The following CLIC5 variants were observed in gnomAD, a reference collection of about 807,000 sequenced individuals.
CLIC5 encodes the protein CLIC family member 5.
A neutral mutation model predicts 24.7 loss-of-function variants in CLIC5; 20 were observed. The observed-to-expected ratio is 0.81, with a 90% CI of 0.57 to 1.18. CLIC5 has a LOEUF of 1.18. Ranked by LOEUF, CLIC5 falls within the 50% of genes most tolerant of loss-of-function variation. The pLI is 0.00. For missense variants in CLIC5, 341 were observed against 326.1 expected, an observed-to-expected ratio of 1.05 and a Z score of -0.35; for synonymous variants, 159 against 135.6, an observed-to-expected ratio of 1.17 and a Z score of -1.20.
intron 5 of CLIC5, among the ~76,000 whole-genome samples, chr6:45,904,504 T>G (rs1333414316): frequency 6.6e-6 from 1 of 151,536 alleles, no homozygotes; most frequent in Non-Finnish European, 1.5e-5. Flanking sequence ...CTTAATAATT[T>G]TTAAACAGGG....
intron 3 of CLIC5, among the ~76,000 whole-genome samples, chr6:45,944,815 G>T (rs1764239412): frequency 6.6e-6 from 1 of 152,194 alleles, no homozygotes; most frequent in African/African-American, 2.4e-5. Context: ...GGTCCTGATG[G>T]AATGGCCTTG....
chr6:46,033,753 A>G (rs1409438501), intron 1 of CLIC5, among the ~76,000 whole-genome samples: 1 of 152,188 alleles, frequency 6.6e-6, no homozygotes, highest in Non-Finnish European at 1.5e-5. Context: ...TTATCTTTGT[A>G]TTTGGGAGAG....
intron 1 of CLIC5, among the ~76,000 whole-genome samples, chr6:46,008,078 T>A (rs1308255599): frequency 6.6e-6 from 1 of 152,126 alleles, no homozygotes; most frequent in Non-Finnish European, 1.5e-5. Context: ...CAGCTATCAA[T>A]CTTTCTAAAC....
intron 1 of CLIC5, among the ~76,000 whole-genome samples, chr6:46,003,531 C>T (rs765499515): frequency 1.3e-5 from 2 of 152,170 alleles, no homozygotes; most frequent in African/African-American, 2.4e-5. Context: ...TATAAAATGA[C>T]TGAGATGTTA....
chr6:46,101,154 G>A, the CLIC5 span, among the ~76,000 whole-genome samples: 3 of 152,158 alleles, frequency 2.0e-5, no homozygotes, highest in Admixed American at 2.0e-4. Context: ...GTGAATCTGC[G>A]AAGATAGAAA....
intron 1 of CLIC5, among the ~76,000 whole-genome samples, chr6:45,982,894 C>T (rs192596806): frequency 2.6e-5 from 4 of 152,208 alleles, no homozygotes; most frequent in Non-Finnish European, 5.9e-5. Flanking sequence ...GTCTAAATGG[C>T]ATGAATTTGG....
chr6:45,919,564 C>T (rs1763170354), intron 4 of CLIC5, among the ~76,000 whole-genome samples: 1 of 151,750 alleles, frequency 6.6e-6, no homozygotes, highest in African/African-American at 2.4e-5. Context: ...TTTTAGTTTT[C>T]CCAGGTCAAA....
intron 1 of CLIC5, among the ~76,000 whole-genome samples, chr6:46,055,398 C>T (rs756251921): frequency 6.6e-5 from 10 of 151,632 alleles, no homozygotes; most frequent in African/African-American, 9.7e-5. Flanking sequence ...CCACCAAGCC[C>T]GGCTAATTTT....
rs561952561 is a variant in CLIC5 at position 45,943,969 on chromosome 6, C to T, written c.300-2316G>A. Among the ~76,000 whole-genome samples the T allele has an allele frequency of 1.2e-4, 19 of 152,230 alleles. No individual in the cohort carries two copies. The East Asian group carries it at 3.1e-3, about 25-fold the overall frequency. On this transcript the variant is annotated intron_variant, in intron 3 of 5. Coordinates refer to ENST00000339561, the MANE Select transcript of CLIC5 (RefSeq NM_016929.5). The stretch of plus-strand genomic sequence containing the variant: ...TATAGGATAAGTGCATTCATTTTAC[C>T]TCCATATTTATGGCGTGTTTTAAAT...
intron 6 of CLIC5, among the ~76,000 whole-genome samples, chr6:45,884,795 G>A (rs1452403387): frequency 1.3e-5 from 2 of 152,042 alleles, no homozygotes; most frequent in Non-Finnish European, 2.9e-5. Context: ...CCCATGTGGG[G>A]AACTGGATTA....
upstream of CLIC5, chr6:46,080,378 T>C (rs1224632337): frequency 1.5e-6 from 1 of 657,016 alleles, no homozygotes; most frequent in African/African-American, 1.8e-5. Flanking sequence ...CTGCTATCAA[T>C]GACAGGTCTC....
At chr6:46,013,946 C>T (rs763338927) in intron 1 of CLIC5, among the ~76,000 whole-genome samples, 36 of 152,274 alleles carry the variant, frequency 2.4e-4, no homozygotes, top group Non-Finnish European at 4.3e-4. Flanking sequence ...CACCCCCTTG[C>T]TGCCCTAAGG....
At chr6:45,923,832 A>T (rs928489931) in intron 4 of CLIC5, among the ~76,000 whole-genome samples, 12 of 152,248 alleles carry the variant, frequency 7.9e-5, no homozygotes, top group African/African-American at 2.9e-4. Context: ...GCAAGTCAAG[A>T]GCACAGATCA....
chr6:45,893,420 G>T (rs1762369598), intron 6 of CLIC5, among the ~76,000 whole-genome samples: 1 of 152,076 alleles, frequency 6.6e-6, no homozygotes, highest in African/African-American at 2.4e-5. Context: ...TAAGACTGAA[G>T]ATCTGCCTGT....
intron 1 of CLIC5, among the ~76,000 whole-genome samples, chr6:45,975,844 GC>G (rs1187945411): frequency 6.6e-6 from 1 of 152,084 alleles, no homozygotes; most frequent in East Asian, 1.9e-4. Flanking sequence ...ATTAAAAAGT[GC>G]TTAAAAGTCT....
At chr6:46,011,441 G>A (rs917964308) in intron 1 of CLIC5, among the ~76,000 whole-genome samples, 3 of 152,316 alleles carry the variant, frequency 2.0e-5, no homozygotes, top group Middle Eastern at 3.4e-3. Flanking sequence ...GAGTGGATAT[G>A]AAAATATTGT....
chr6:45,913,807 G>T (rs1762908700), intron 5 of CLIC5: 1 of 1,231,574 alleles, frequency 8.1e-7, no homozygotes, highest in Non-Finnish European at 1.0e-6. Context: ...AAGTGAGAAG[G>T]TGGGTCTGTG....
intron 1 of CLIC5, among the ~76,000 whole-genome samples, chr6:45,981,119 A>T (rs1765555418): frequency 6.6e-6 from 1 of 151,850 alleles, no homozygotes. Context: ...TACAATATTT[A>T]CCACCAGGTC....
intron 1 of CLIC5, among the ~76,000 whole-genome samples, chr6:46,055,150 T>C (rs960197107): frequency 2.6e-5 from 4 of 152,238 alleles, no homozygotes; most frequent in Admixed American, 2.6e-4. Context: ...TCACCCAGGC[T>C]GGAGTGCAGT....
Sources: gnomAD v4.1 joint callset for allele counts (sites outside exome capture counted in the v4.1 genomes callset) on GRCh38, gnomAD v4.1.1 for gene constraint, MANE v1.5 for transcripts, NCBI Gene and HGNC (gene_info 2026-07-23, HGNC 2026-07-21) for gene names.